DGKI: variants seen among roughly 807,000 people sequenced by gnomAD.
DGKI encodes the protein diacylglycerol kinase iota.
A neutral mutation model predicts 147.5 loss-of-function variants in DGKI; 55 were observed. The ratio of observed to expected loss-of-function variants is 0.37; its 90% CI spans 0.30 to 0.47. The LOEUF is 0.47. DGKI is among the 20% of genes least tolerant of loss of function. The probability of loss-of-function intolerance (pLI) is 1.00; values close to 1 mark genes in which losing one functional copy is unlikely to be tolerated. For missense variants in DGKI, 1,007 were observed against 1,323.8 expected (o/e 0.76, Z 3.71); for synonymous variants, 469 against 477.1 (o/e 0.98, Z 0.22).
chr7:137,446,565 A>C (rs1813723804), intron 27 of DGKI, among the ~76,000 whole-genome samples: 1 of 152,132 alleles, frequency 6.6e-6, no homozygotes, highest in African/African-American at 2.4e-5. Context: ...GTCTCTACTG[A>C]AAATACAAAA....
chr7:137,648,238 A>G (rs1401318644), intron 5 of DGKI, among the ~76,000 whole-genome samples: 1 of 152,208 alleles, frequency 6.6e-6, no homozygotes, highest in Non-Finnish European at 1.5e-5. Context: ...GTAATTATTG[A>G]GATTATAAAT....
At chr7:137,757,391 C>T (rs1005582692) in intron 1 of DGKI, among the ~76,000 whole-genome samples, 20 of 152,182 alleles carry the variant, frequency 1.3e-4, no homozygotes, top group African/African-American at 4.6e-4. Flanking sequence ...ACACCCTCTC[C>T]TTCCCAGGCT....
intron 28 of DGKI, among the ~76,000 whole-genome samples, chr7:137,418,788 A>G (rs10808291): frequency 0.42 from 64,166 of 152,006 alleles, 14,097 homozygotes; most frequent in East Asian, 0.74. Context: ...ATGGCTTGAA[A>G]AGACGTAGGG....
intron 23 of DGKI, among the ~76,000 whole-genome samples, chr7:137,469,867 A>G (rs1814813847): frequency 6.6e-6 from 1 of 152,212 alleles, no homozygotes; most frequent in Admixed American, 6.5e-5. Context: ...CAATTATTCC[A>G]TTAAACATAA....
chr7:137,613,040 C>T (rs181661193), intron 8 of DGKI, among the ~76,000 whole-genome samples: 89 of 152,242 alleles, frequency 5.8e-4, no homozygotes, highest in African/African-American at 2.1e-3. Flanking sequence ...CCTGATCATG[C>T]TTATGACTCC....
chr7:137,677,510 T>C (rs1823075718), intron 3 of DGKI, among the ~76,000 whole-genome samples: 1 of 152,182 alleles, frequency 6.6e-6, no homozygotes, highest in Non-Finnish European at 1.5e-5. Flanking sequence ...AACAAGGAGT[T>C]AAAACAGCTA....
At chr7:137,663,526 ATG>A (rs1226158627) in intron 3 of DGKI, among the ~76,000 whole-genome samples, 2 of 152,252 alleles carry the variant, frequency 1.3e-5, no homozygotes, top group Non-Finnish European at 2.9e-5. Flanking sequence ...CTGCTTTGGC[ATG>A]TCCACTGCGG....
chr7:137,482,293 C>T (rs1165516291), intron 23 of DGKI, among the ~76,000 whole-genome samples: 1 of 151,816 alleles, frequency 6.6e-6, no homozygotes, highest in East Asian at 1.9e-4. Context: ...TCCAGCTTCC[C>T]TGCTGCTTAT....
At chr7:137,671,806 T>C (rs1822850785) in intron 3 of DGKI, among the ~76,000 whole-genome samples, 1 of 152,188 alleles carries the variant, frequency 6.6e-6, no homozygotes, top group Non-Finnish European at 1.5e-5. Flanking sequence ...GAAGAAAACT[T>C]AGAATTAAGG....
At position 137,475,228 on chromosome 7, in the gene DGKI, T is replaced by C. The variant is rs188226084; in HGVS notation, c.2374-5609A>G. Among the ~76,000 whole-genome samples the C allele has an allele frequency of 1.9e-3, 283 of 152,218 alleles. 3 individuals carry two copies. The highest frequency in any genetic ancestry group is 6.5e-3 in the African/African-American group (272 of 41,548). On this transcript the variant is annotated intron_variant, in intron 23 of 32. Coordinates refer to ENST00000614521, the MANE Select transcript of DGKI (RefSeq NM_001321708.2). ...CTGAGTTTTGGAGAAAACAAAGAAATAGGACAAATTTGTATGAGTGAACAC... is the reference window on the plus strand; with the variant it reads ...CTGAGTTTTGGAGAAAACAAAGAAACAGGACAAATTTGTATGAGTGAACAC...
chr7:137,713,187 T>C (rs1362486328), intron 1 of DGKI, among the ~76,000 whole-genome samples: 1 of 152,242 alleles, frequency 6.6e-6, no homozygotes, highest in Non-Finnish European at 1.5e-5. Context: ...CATTCATGTA[T>C]GATTCACCTG....
At chr7:137,635,500 T>A (rs1273796807) in intron 6 of DGKI, among the ~76,000 whole-genome samples, 1 of 152,104 alleles carries the variant, frequency 6.6e-6, no homozygotes, top group East Asian at 1.9e-4. Flanking sequence ...TGCAAGGGCT[T>A]ACGAAATGTG....
At chr7:137,825,022 G>A (rs1227213700) in intron 1 of DGKI, among the ~76,000 whole-genome samples, 2 of 152,130 alleles carry the variant, frequency 1.3e-5, no homozygotes, top group Non-Finnish European at 2.9e-5. Flanking sequence ...GTGAACATAT[G>A]TATGCATGTG....
chr7:137,722,507 T>C (rs1585410123), intron 1 of DGKI: 1 of 1,611,518 alleles, frequency 6.2e-7, no homozygotes, highest in Non-Finnish European at 8.5e-7. Context: ...GGCTTGTTAC[T>C]TGTGACTGGA....
At chr7:137,662,995 A>G (rs893683385) in intron 3 of DGKI, among the ~76,000 whole-genome samples, 6 of 152,220 alleles carry the variant, frequency 3.9e-5, no homozygotes, top group Non-Finnish European at 4.4e-5. Flanking sequence ...ATGCTCAGAT[A>G]TACACCAATA....
intron 1 of DGKI, among the ~76,000 whole-genome samples, chr7:137,824,260 T>TA (rs1045169334): frequency 1.3e-5 from 2 of 152,218 alleles, no homozygotes; most frequent in African/African-American, 4.8e-5. Context: ...CTCACGCCTA[T>TA]AATCCCAGCA....
intron 6 of DGKI, among the ~76,000 whole-genome samples, chr7:137,632,789 G>A (rs1387433800): frequency 1.3e-5 from 2 of 152,126 alleles, no homozygotes; most frequent in Non-Finnish European, 2.9e-5. Context: ...AACCCAGGGA[G>A]CAGAGGCTGT....
At chr7:137,465,781 A>T in intron 26 of DGKI, 127 bp downstream of exon 26, 2 of 1,295,938 alleles carry the variant, frequency 1.5e-6, no homozygotes, top group African/African-American at 3.0e-5. Flanking sequence ...CACTCTAAGG[A>T]AACACAACAA....
intron 15 of DGKI, 76 bp from the exon 16 acceptor site, chr7:137,578,401 T>TC (rs1490485418): frequency 3.4e-5 from 34 of 986,270 alleles, no homozygotes; most frequent in Admixed American, 1.0e-4. Flanking sequence ...TCCTACTTCC[T>TC]CCCCAGCTCC....
Sources: gnomAD v4.1 joint callset for allele counts (sites outside exome capture counted in the v4.1 genomes callset) on GRCh38, gnomAD v4.1.1 for gene constraint, MANE v1.5 for transcripts, NCBI Gene and HGNC (gene_info 2026-07-23, HGNC 2026-07-21) for gene names.